DAB1: variants seen among roughly 807,000 people sequenced by gnomAD.
DAB1 encodes the protein disabled homolog 1.
DAB1 carries 15 observed loss-of-function variants against 64.6 expected under a neutral mutation model. The observed-to-expected ratio is 0.23, with a 90% CI of 0.16 to 0.36. The LOEUF (loss-of-function observed/expected upper bound fraction) is 0.36, where lower values mean the gene tolerates loss of function less well. Among genes scored for constraint, DAB1 ranks in the 10% least tolerant of loss-of-function variants. The pLI is 1.00. For missense variants in DAB1, 596 were observed against 706.7 expected, an observed-to-expected ratio of 0.84 and a Z score of 1.78; for synonymous variants, 235 against 251.9, an observed-to-expected ratio of 0.93 and a Z score of 0.64.
At chr1:58,226,736 T>A (rs1196863407) in intron 4 of DAB1, among the ~76,000 whole-genome samples, 1 of 152,214 alleles carries the variant, frequency 6.6e-6, no homozygotes, top group African/African-American at 2.4e-5. Context: ...GGTTCTATAA[T>A]AATTCTTATT....
chr1:57,432,526 T>C (rs954181283), intron 7 of DAB1, among the ~76,000 whole-genome samples: 2 of 152,174 alleles, frequency 1.3e-5, no homozygotes, highest in Admixed American at 1.3e-4. Flanking sequence ...TTGTTAAGCC[T>C]ACAGCTACAG....
intron 4 of DAB1, among the ~76,000 whole-genome samples, chr1:58,287,473 C>T (rs1414222666): frequency 6.6e-6 from 1 of 152,064 alleles, no homozygotes; most frequent in Admixed American, 6.6e-5. Context: ...TGAAGACTAC[C>T]TTGGGCTGGA....
chr1:57,012,690 A>G (rs1189679472), intron 12 of DAB1, among the ~76,000 whole-genome samples: 1 of 152,254 alleles, frequency 6.6e-6, no homozygotes, highest in East Asian at 1.9e-4. Flanking sequence ...GGAGATGACT[A>G]TGGAACAAAC....
intron 9 of DAB1, among the ~76,000 whole-genome samples, chr1:57,061,235 G>GA (rs961669743): frequency 4.0e-5 from 6 of 151,038 alleles, no homozygotes; most frequent in African/African-American, 1.5e-4. Flanking sequence ...AGATGGGGGG[G>GA]GGGGGTGGTT....
intron 4 of DAB1, among the ~76,000 whole-genome samples, chr1:58,290,113 C>T (rs1004053370): frequency 6.6e-6 from 1 of 152,188 alleles, no homozygotes; most frequent in Non-Finnish European, 1.5e-5. Context: ...AGGACCCCTT[C>T]TTTCAAAGAG....
At chr1:57,881,949 C>T (rs1220037665) in intron 1 of DAB1, among the ~76,000 whole-genome samples, 1 of 152,190 alleles carries the variant, frequency 6.6e-6, no homozygotes, top group East Asian at 1.9e-4. Flanking sequence ...AAAGGTTTTA[C>T]AGCTCAATGT....
At chr1:58,300,698 A>C (rs1349497673) in intron 4 of DAB1, among the ~76,000 whole-genome samples, 1 of 147,250 alleles carries the variant, frequency 6.8e-6, no homozygotes, top group Non-Finnish European at 1.5e-5. Flanking sequence ...GGAAGGAAGG[A>C]AGGAAGGAAG....
chr1:57,305,983 AAAG>A (rs1242737260), intron 1 of DAB1, among the ~76,000 whole-genome samples: 1,589 of 148,076 alleles, frequency 0.011, 38 homozygotes, highest in African/African-American at 0.037. Context: ...AAAAAAAAAA[AAAG>A]AAAAAAGAAA....
chr1:57,571,635 A>C (rs1218038867), intron 7 of DAB1, among the ~76,000 whole-genome samples: 1 of 152,224 alleles, frequency 6.6e-6, no homozygotes, highest in Non-Finnish European at 1.5e-5. Flanking sequence ...GGCTAGAAGA[A>C]GACAAACGAC....
At chr1:57,902,196 G>T (rs905050741) in intron 5 of DAB1, among the ~76,000 whole-genome samples, 3 of 149,110 alleles carry the variant, frequency 2.0e-5, no homozygotes, top group Admixed American at 6.7e-5. Context: ...GAAAAGTATT[G>T]AAAAGCTTTA....
intron 5 of DAB1, among the ~76,000 whole-genome samples, chr1:57,958,229 C>T (rs1246710705): frequency 1.3e-5 from 2 of 152,098 alleles, no homozygotes; most frequent in Non-Finnish European, 2.9e-5. Flanking sequence ...CCACCTGCCT[C>T]GGCCTCCCAA....
intron 7 of DAB1, among the ~76,000 whole-genome samples, chr1:57,440,875 T>C (rs1297318354): frequency 6.6e-6 from 1 of 152,216 alleles, no homozygotes; most frequent in East Asian, 1.9e-4. Context: ...TTTTATAATC[T>C]GATATTTTAT....
At chr1:58,458,214 C>T (rs748558763) in intron 3 of DAB1, among the ~76,000 whole-genome samples, 1 of 152,300 alleles carries the variant, frequency 6.6e-6, no homozygotes, top group Middle Eastern at 3.4e-3. Flanking sequence ...GCTCAATAGC[C>T]ACATGTGGCT....
At chr1:57,507,442 C>A (rs887495593) in intron 7 of DAB1, among the ~76,000 whole-genome samples, 5 of 152,154 alleles carry the variant, frequency 3.3e-5, no homozygotes, top group African/African-American at 1.2e-4. Flanking sequence ...CATTTCAGTG[C>A]ACGTTCTATA....
chr1:57,392,904 AT>A (rs1184150734), intron 1 of DAB1, among the ~76,000 whole-genome samples: 1 of 152,138 alleles, frequency 6.6e-6, no homozygotes, highest in African/African-American at 2.4e-5. Context: ...CAGAGATTTG[AT>A]TTTCCCAAAA....
intron 1 of DAB1, among the ~76,000 whole-genome samples, chr1:57,345,447 T>C (rs1255440439): frequency 6.6e-6 from 1 of 152,120 alleles, no homozygotes; most frequent in Non-Finnish European, 1.5e-5. Flanking sequence ...AGAGTAAAGG[T>C]GATGAGGAAT....
At chr1:57,571,306 T>TGAG (rs1236558961) in intron 7 of DAB1, among the ~76,000 whole-genome samples, 2 of 152,162 alleles carry the variant, frequency 1.3e-5, no homozygotes, top group Non-Finnish European at 2.9e-5. Flanking sequence ...AAGAATAGTA[T>TGAG]GAGAAGAATC....
At chr1:57,784,856 C>T (rs1003160260) in intron 6 of DAB1, among the ~76,000 whole-genome samples, 1 of 152,306 alleles carries the variant, frequency 6.6e-6, no homozygotes, top group African/African-American at 2.4e-5. Context: ...AGTGGCTACA[C>T]TAAACCACAG....
intron 7 of DAB1, among the ~76,000 whole-genome samples, chr1:57,635,179 A>C (rs747866020): frequency 2.0e-5 from 3 of 152,186 alleles, no homozygotes; most frequent in Non-Finnish European, 4.4e-5. Flanking sequence ...TTTAAGCCCC[A>C]ATGCAAACAT....
Sources: gnomAD v4.1 joint callset for allele counts (sites outside exome capture counted in the v4.1 genomes callset) on GRCh38, gnomAD v4.1.1 for gene constraint, MANE v1.5 for transcripts, NCBI Gene and HGNC (gene_info 2026-07-23, HGNC 2026-07-21) for gene names.